Variants in TNS3 observed in about 807,000 individuals in gnomAD.
TNS3 encodes tensin 3, also known as tensin-3.
A neutral mutation model predicts 140.9 loss-of-function variants in TNS3; 45 were observed. That is an observed-to-expected ratio of 0.32 (90% CI 0.25 to 0.41). The LOEUF (loss-of-function observed/expected upper bound fraction) is 0.41, where lower values mean the gene tolerates loss of function less well. Among genes scored for constraint, TNS3 ranks in the 10% least tolerant of loss-of-function variants. The probability of loss-of-function intolerance (pLI) is 1.00; values close to 1 mark genes in which losing one functional copy is unlikely to be tolerated. For synonymous variants in TNS3, 815 were observed against 788.4 expected (o/e 1.03, Z -0.56); for missense variants, 1,716 against 1,906.7 (o/e 0.90, Z 1.86).
intron 2 of TNS3, among the ~76,000 whole-genome samples, chr7:47,519,098 A>G (rs1188507238): frequency 6.6e-6 from 1 of 152,118 alleles, no homozygotes; most frequent in Non-Finnish European, 1.5e-5. Flanking sequence ...AGTCCAGAGA[A>G]TCAAGCCCAG....
intron 16 of TNS3, among the ~76,000 whole-genome samples, chr7:47,380,598 CCT>C (rs1416295707): frequency 6.6e-6 from 1 of 152,176 alleles, no homozygotes; most frequent in African/African-American, 2.4e-5. Flanking sequence ...TCCATAACGC[CCT>C]CTCCTCCTGG....
At chr7:47,280,969 A>T (rs966168930) in intron 28 of TNS3, among the ~76,000 whole-genome samples, 6 of 151,824 alleles carry the variant, frequency 4.0e-5, no homozygotes, top group African/African-American at 1.2e-4. Context: ...GATGGACACA[A>T]GGAAGCACCT....
intron 3 of TNS3, among the ~76,000 whole-genome samples, chr7:47,492,030 G>T (rs960453432): frequency 6.6e-6 from 1 of 152,192 alleles, no homozygotes; most frequent in Non-Finnish European, 1.5e-5. Flanking sequence ...ATTTATTCAT[G>T]TTTAACATAC....
At chr7:47,366,927 C>A (rs925002188) in intron 17 of TNS3, among the ~76,000 whole-genome samples, 5 of 152,372 alleles carry the variant, frequency 3.3e-5, no homozygotes, top group Non-Finnish European at 5.9e-5. Flanking sequence ...CGGCGTCACA[C>A]AGCCATGTCC....
chr7:47,356,198 C>T (rs1301805917), intron 17 of TNS3, among the ~76,000 whole-genome samples: 1 of 152,178 alleles, frequency 6.6e-6, no homozygotes, highest in Non-Finnish European at 1.5e-5. Flanking sequence ...TTGAGAACTG[C>T]AAATATACAA....
intron 16 of TNS3, among the ~76,000 whole-genome samples, chr7:47,378,401 C>G (rs1303621620): frequency 6.6e-6 from 1 of 152,176 alleles, no homozygotes; most frequent in Non-Finnish European, 1.5e-5. Flanking sequence ...AAAACGTATT[C>G]AGAAGTTCCC....
chr7:47,318,780 G>A (rs1023110712), intron 20 of TNS3, among the ~76,000 whole-genome samples: 31 of 152,308 alleles, frequency 2.0e-4, no homozygotes, highest in African/African-American at 7.0e-4. Flanking sequence ...AGTGGACAGC[G>A]GTCAGAGAAA....
chr7:47,471,493 T>C (rs1796951074), intron 4 of TNS3, among the ~76,000 whole-genome samples: 1 of 152,200 alleles, frequency 6.6e-6, no homozygotes, highest in Admixed American at 6.5e-5. Context: ...ACTTAGTGCC[T>C]GACTCCTGCA....
At chr7:47,468,004 G>A (rs1165353665) in intron 4 of TNS3, among the ~76,000 whole-genome samples, 1 of 151,952 alleles carries the variant, frequency 6.6e-6, no homozygotes, top group East Asian at 1.9e-4. Context: ...AATCTGTAAC[G>A]TCTCCTTGTC....
At chr7:47,405,619 T>C in intron 13 of TNS3, 1 of 702,718 alleles carries the variant, frequency 1.4e-6, no homozygotes, top group Non-Finnish European at 2.6e-6. Flanking sequence ...CCAAGTCCAC[T>C]ATGCTGAGAT....
intron 4 of TNS3, among the ~76,000 whole-genome samples, chr7:47,451,922 G>A (rs1227075336): frequency 1.3e-5 from 2 of 152,130 alleles, no homozygotes; most frequent in African/African-American, 4.8e-5. Flanking sequence ...TAATACTAAT[G>A]CCTGGGTAGG....
At chr7:47,439,859 G>T (rs149665813) in intron 5 of TNS3, among the ~76,000 whole-genome samples, 6 of 152,296 alleles carry the variant, frequency 3.9e-5, no homozygotes, top group African/African-American at 1.4e-4. Flanking sequence ...AGGGGCACAA[G>T]ATTGAATTTT....
At chr7:47,474,797 AG>A (rs1797118965) in intron 4 of TNS3, among the ~76,000 whole-genome samples, 1 of 147,170 alleles carries the variant, frequency 6.8e-6, no homozygotes, top group African/African-American at 2.5e-5. Flanking sequence ...CAACACACAA[AG>A]CACAACACAC....
At chr7:47,496,964 A>G (rs1305999767) in intron 3 of TNS3, among the ~76,000 whole-genome samples, 5 of 152,198 alleles carry the variant, frequency 3.3e-5, no homozygotes, top group Non-Finnish European at 5.9e-5. Flanking sequence ...CCAAGGCAGC[A>G]TCGAGCAAGA....
rs184229263 is a variant in TNS3 at position 47,544,763 on chromosome 7, A to G, written c.-264-15616T>C. Among the ~76,000 whole-genome samples the G allele has an allele frequency of 4.8e-3, 733 of 152,164 alleles. 1 individual carries two copies. Among genetic ancestry groups the G allele is most frequent in the Non-Finnish European group, 7.1e-3 (481 of 67,994 alleles). On this transcript the variant is annotated intron_variant, in intron 1 of 30. Transcript: ENST00000311160. ...GGCACGGATCAGTAGGCATCCCAGC[A>G]CTTCCAACAAGCCAGTTTCCTCCTG...
intron 7 of TNS3, 67 bp downstream of exon 7, chr7:47,437,195 AT>A: frequency 8.9e-7 from 1 of 1,121,348 alleles, no homozygotes; most frequent in Middle Eastern, 2.1e-4. Flanking sequence ...GTAGCAAATT[AT>A]TTTTGCACAA....
intron 16 of TNS3, among the ~76,000 whole-genome samples, chr7:47,391,079 C>A (rs1457871017): frequency 6.6e-6 from 1 of 152,224 alleles, no homozygotes; most frequent in East Asian, 1.9e-4. Context: ...CTTCCTCCTG[C>A]ACACACCAGC....
At chr7:47,327,005 C>T (rs1273384964) in intron 20 of TNS3, among the ~76,000 whole-genome samples, 13 of 152,082 alleles carry the variant, frequency 8.5e-5, no homozygotes, top group Admixed American at 7.8e-4. Context: ...CACACACACA[C>T]GCTGTGTCGG....
At chr7:47,408,393 C>T (rs1793563916) in intron 13 of TNS3, among the ~76,000 whole-genome samples, 1 of 151,742 alleles carries the variant, frequency 6.6e-6, no homozygotes, top group Non-Finnish European at 1.5e-5. Context: ...AGACCACACG[C>T]TTGGGCTGCG....
Sources: allele counts gnomAD v4.1 joint callset (sites outside exome capture counted in the v4.1 genomes callset), GRCh38; gene constraint gnomAD v4.1.1; transcripts MANE v1.5; gene names NCBI Gene and HGNC (gene_info 2026-07-23, HGNC 2026-07-21).